GFOD1: variants seen among roughly 807,000 people sequenced by gnomAD.
The protein encoded by GFOD1 is Gfo/Idh/MocA-like oxidoreductase domain containing 1.
GFOD1 carries 9 observed loss-of-function variants against 25.4 expected under a neutral mutation model. The ratio of observed to expected loss-of-function variants is 0.35; its 90% CI spans 0.21 to 0.62. The LOEUF (loss-of-function observed/expected upper bound fraction) is 0.62. GFOD1 is among the 20% of genes least tolerant of loss of function. The pLI is 0.72. For missense variants in GFOD1, 403 were observed against 556.9 expected (o/e 0.72, Z 2.78); for synonymous variants, 253 against 245.6 (o/e 1.03, Z -0.28).
chr6:13,382,320 G>A (rs1486625643), intron 1 of GFOD1, among the ~76,000 whole-genome samples: 2 of 145,502 alleles, frequency 1.4e-5, no homozygotes, highest in Non-Finnish European at 3.0e-5. Context: ...TATCATGGGA[G>A]GGACCCAGTG....
At chr6:13,406,154 T>G (rs1785941026) in intron 1 of GFOD1, among the ~76,000 whole-genome samples, 2 of 152,190 alleles carry the variant, frequency 1.3e-5, no homozygotes, top group African/African-American at 4.8e-5. Flanking sequence ...ACAAATGTTC[T>G]CGGAACAAGG....
chr6:13,364,765 C>T lies in GFOD1; in HGVS notation c.1151G>A (p.Ser384Asn). Residue 384 changes from serine to asparagine, a missense_variant, in exon 2 of 2, where the codon AGC becomes AAC. Transcript: ENST00000379287. This position sits in a 1 kb window ranked among gnomAD's most constrained non-coding sequence, Gnocchi z 4.1. ...GTGCTAACAGTAGAGGGACATCCTG[C>T]TGCGGCGCATGGCCTCGCTGATCAG... Reference protein sequence around the residue: ...AYLISEAMRRSRMSLYC With the variant: ...AYLISEAMRRNRMSLYC 6.2e-7 allele frequency: 1 copy of T among 1,613,020 alleles called. No individual in the cohort carries two copies. Among genetic ancestry groups the T allele is most frequent in the Non-Finnish European group, 8.5e-7 (1 of 1,179,646 alleles).
At position 13,461,346 on chromosome 6, in the gene GFOD1, T is replaced by C. The variant is rs1758286908; in HGVS notation, c.253+25292A>G. 4.6e-5 allele frequency among the ~76,000 whole-genome samples: 7 copies of C among 152,302 alleles called. No homozygotes were observed. The South Asian group carries it at 1.4e-3, about 32-fold the overall frequency. On this transcript the variant is annotated intron_variant, in intron 1 of 1. Transcript: ENST00000379287. ...TAGGGAGAAGGAGGGACACTGAGTTTGAAGGGGAAGGGAGGCATCCAGCCT... is the reference window on the plus strand; with the variant it reads ...TAGGGAGAAGGAGGGACACTGAGTTCGAAGGGGAAGGGAGGCATCCAGCCT...
At chr6:13,460,318 T>C (rs1385065416) in intron 1 of GFOD1, among the ~76,000 whole-genome samples, 1 of 152,152 alleles carries the variant, frequency 6.6e-6, no homozygotes, top group Non-Finnish European at 1.5e-5. Context: ...ACTAGGTATA[T>C]ACTCAAAGGA....
At chr6:13,400,512 T>C (rs547331622) in intron 1 of GFOD1, among the ~76,000 whole-genome samples, 12 of 152,234 alleles carry the variant, frequency 7.9e-5, no homozygotes, top group Non-Finnish European at 1.8e-4. Flanking sequence ...AAAATGCTGA[T>C]ACAAGACCAG....
intron 1 of GFOD1, among the ~76,000 whole-genome samples, chr6:13,379,445 T>C (rs1395782218): frequency 6.6e-6 from 1 of 152,018 alleles, no homozygotes; most frequent in East Asian, 1.9e-4. Flanking sequence ...TGGAGATCTG[T>C]GCTGGCAGTG....
intron 1 of GFOD1, among the ~76,000 whole-genome samples, chr6:13,420,793 C>T (rs1213394534): frequency 6.6e-6 from 1 of 152,184 alleles, no homozygotes; most frequent in Non-Finnish European, 1.5e-5. Flanking sequence ...CGCCTAGGCA[C>T]CTTCTTCCTT....
chr6:13,427,046 C>T (rs1038698522), intron 1 of GFOD1, among the ~76,000 whole-genome samples: 31 of 152,306 alleles, frequency 2.0e-4, no homozygotes, highest in African/African-American at 7.2e-4. Context: ...TTGTAAACTA[C>T]AAGGAAGCGG....
At chr6:13,403,460 A>G (rs906591471) in intron 1 of GFOD1, among the ~76,000 whole-genome samples, 2 of 152,188 alleles carry the variant, frequency 1.3e-5, no homozygotes, top group Admixed American at 1.3e-4. Context: ...CCATACACCT[A>G]GGCTATATGG....
chr6:13,364,646 T>TCC lies in GFOD1; in HGVS notation c.*95_*96dup. The TCC allele has an allele frequency of 9.8e-7, 1 of 1,018,218 alleles. No homozygotes were observed. Among genetic ancestry groups the TCC allele is most frequent in the Non-Finnish European group, 1.4e-6 (1 of 694,732 alleles). The allele number at this position is 1,018,218 out of a possible 1,614,324, so 63.1% of individuals were successfully genotyped here. On this transcript the variant is annotated 3_prime_UTR_variant, in exon 2 of 2. Coordinates refer to ENST00000379287, the MANE Select transcript of GFOD1 (RefSeq NM_018988.4). This position sits in a 1 kb window ranked among gnomAD's most constrained non-coding sequence, Gnocchi z 4.1. ...TCACACTGTCCCTCCACCTCCCTGA[T>TCC]CCCCACATTCCCCATGGTCACCCTC...
At chr6:13,469,986 T>A (rs773879715) in intron 1 of GFOD1, 6 of 1,316,322 alleles carry the variant, frequency 4.6e-6, no homozygotes, top group Non-Finnish European at 4.0e-6. Context: ...TCAGAGCACA[T>A]GCCATATCTT....
intron 1 of GFOD1, among the ~76,000 whole-genome samples, chr6:13,471,517 A>G (rs937500920): frequency 6.6e-6 from 1 of 152,184 alleles, no homozygotes; most frequent in Non-Finnish European, 1.5e-5. Context: ...CTCAGTCCCT[A>G]TGTCTAATAA....
chr6:13,367,999 C>T (rs1257939969), intron 1 of GFOD1, among the ~76,000 whole-genome samples: 2 of 152,158 alleles, frequency 1.3e-5, no homozygotes, highest in African/African-American at 4.8e-5. Flanking sequence ...TGACTACAGA[C>T]ACTCAATTGA....
chr6:13,373,095 C>T (rs1785182653), intron 1 of GFOD1, among the ~76,000 whole-genome samples: 1 of 152,184 alleles, frequency 6.6e-6, no homozygotes, highest in African/African-American at 2.4e-5. Flanking sequence ...CTGTGCTAGG[C>T]ACTGGGACCA....
At chr6:13,437,499 T>G (rs1377976485) in intron 1 of GFOD1, among the ~76,000 whole-genome samples, 4 of 152,228 alleles carry the variant, frequency 2.6e-5, no homozygotes, top group South Asian at 2.1e-4. Context: ...TTAGTGCAAC[T>G]GAGGAACTGA....
At chr6:13,477,214 GGGGTGTGTGT>G (rs1233567482) in intron 1 of GFOD1, among the ~76,000 whole-genome samples, 59 of 7,680 alleles carry the variant, frequency 7.7e-3, no homozygotes, top group South Asian at 9.1e-3. Flanking sequence ...GAACCAATAG[GGGGTGTGTGT>G]GTGTGTGTGT....
chr6:13,415,525 G>GCAGATTT (rs1206275683), intron 1 of GFOD1, among the ~76,000 whole-genome samples: 2 of 152,214 alleles, frequency 1.3e-5, no homozygotes, highest in Admixed American at 1.3e-4. Context: ...GGGGGTGGCT[G>GCAGATTT]CAGATTTCAG....
chr6:13,389,289 A>G (rs28813108), intron 1 of GFOD1, among the ~76,000 whole-genome samples: 8 of 152,042 alleles, frequency 5.3e-5, no homozygotes, highest in Admixed American at 5.2e-4. Context: ...TTATAAATCA[A>G]GCTACTTTAA....
At chr6:13,480,340 C>T (rs1758720770) in intron 1 of GFOD1, among the ~76,000 whole-genome samples, 1 of 152,184 alleles carries the variant, frequency 6.6e-6, no homozygotes. Flanking sequence ...ACATTCCACA[C>T]AAGGCAACAG....
Sources: gnomAD v4.1 joint callset for allele counts (sites outside exome capture counted in the v4.1 genomes callset) on GRCh38, gnomAD v4.1.1 for gene constraint, Gnocchi (gnomAD v3.1) non-coding constraint, MANE v1.5 for transcripts, NCBI Gene and HGNC (gene_info 2026-07-23, HGNC 2026-07-21) for gene names.